Variants in NPAS3 observed in about 807,000 individuals in gnomAD.
NPAS3 encodes neuronal PAS domain-containing protein 3.
NPAS3 carries 14 observed loss-of-function variants against 73.1 expected under a neutral mutation model. The observed-to-expected ratio is 0.19, with a 90% confidence interval of 0.13 to 0.30. NPAS3 has a LOEUF of 0.30. Ranked by LOEUF, NPAS3 falls within the 10% of genes least tolerant of loss-of-function variation. The pLI is 1.00. For missense variants in NPAS3, 1,096 were observed against 1,250.0 expected (o/e 0.88, Z 1.86); for synonymous variants, 620 against 541.5 (o/e 1.14, Z -2.01).
At chr14:33,639,761 A>G (rs961348126) in intron 5 of NPAS3, among the ~76,000 whole-genome samples, 4 of 152,236 alleles carry the variant, frequency 2.6e-5, no homozygotes, top group Non-Finnish European at 5.9e-5. Flanking sequence ...AACCAAAAAC[A>G]ACTAGAAAGT....
At chr14:33,436,914 T>G (rs1197411914) in intron 4 of NPAS3, among the ~76,000 whole-genome samples, 1 of 152,224 alleles carries the variant, frequency 6.6e-6, no homozygotes, top group African/African-American at 2.4e-5. Context: ...CTAGCTGTTG[T>G]GCCTTAATTT....
At chr14:33,256,957 G>A (rs2048800197) in intron 3 of NPAS3, among the ~76,000 whole-genome samples, 1 of 152,146 alleles carries the variant, frequency 6.6e-6, no homozygotes, top group Non-Finnish European at 1.5e-5. Flanking sequence ...TGACAAAGAG[G>A]TCTGGAAGCA....
In NPAS3 at chr14:33,763,593, C is replaced by T. The variant is rs149318791; in HGVS notation, c.853-10744C>T. On this transcript the variant is annotated intron_variant, in intron 7 of 11. Coordinates refer to ENST00000356141, the Ensembl canonical transcript of NPAS3. ...CACTTTCCCAATGAAAAAATAGATG[C>T]TGAGAAAGGAGGTCCTTGCCATCAA... Among the ~76,000 whole-genome samples the T allele has an allele frequency of 5.2e-4, 79 of 152,262 alleles. 1 individual carries two copies. The East Asian group carries it at 0.014, about 28-fold the overall frequency.
At chr14:33,416,430 G>A (rs2048151256) in intron 4 of NPAS3, among the ~76,000 whole-genome samples, 1 of 151,952 alleles carries the variant, frequency 6.6e-6, no homozygotes, top group African/African-American at 2.4e-5. Context: ...TTTCTGGTAA[G>A]GGGTTTCTTT....
intron 6 of NPAS3, among the ~76,000 whole-genome samples, chr14:33,711,780 G>A (rs1255227205): frequency 6.6e-6 from 1 of 151,996 alleles, no homozygotes; most frequent in South Asian, 2.1e-4. Flanking sequence ...TTCCTACCAG[G>A]GTCACTCGCA....
At chr14:33,584,225 C>T (rs915007602) in intron 5 of NPAS3, among the ~76,000 whole-genome samples, 10 of 152,004 alleles carry the variant, frequency 6.6e-5, no homozygotes, top group Non-Finnish European at 1.5e-4. Flanking sequence ...GATGTTTGTT[C>T]GTTTTGATAT....
chr14:33,629,054 AC>A (rs1365192874), intron 5 of NPAS3, among the ~76,000 whole-genome samples: 1 of 151,696 alleles, frequency 6.6e-6, no homozygotes, highest in Non-Finnish European at 1.5e-5. Flanking sequence ...ACACGGTGAA[AC>A]CCCGTCTCTA....
At chr14:33,065,106 A>T (rs1458233835) in intron 2 of NPAS3, among the ~76,000 whole-genome samples, 1 of 152,214 alleles carries the variant, frequency 6.6e-6, no homozygotes, top group Non-Finnish European at 1.5e-5. Flanking sequence ...TCAAGCGAGA[A>T]CTAGTGATAT....
intron 2 of NPAS3, among the ~76,000 whole-genome samples, chr14:33,208,011 T>A (rs1435347309): frequency 1.3e-5 from 2 of 152,192 alleles, no homozygotes; most frequent in Non-Finnish European, 2.9e-5. Context: ...ATTAGCTGAT[T>A]TGGTAAATAG....
intron 2 of NPAS3, among the ~76,000 whole-genome samples, chr14:33,212,848 A>C (rs1180770458): frequency 6.6e-6 from 1 of 152,234 alleles, no homozygotes; most frequent in African/African-American, 2.4e-5. Flanking sequence ...TGAATAAAGG[A>C]AAATTACCTA....
chr14:33,605,852 TA>T (rs200170586), intron 5 of NPAS3, among the ~76,000 whole-genome samples: 35,353 of 151,784 alleles, frequency 0.23, 5,493 homozygotes, highest in African/African-American at 0.44. Flanking sequence ...GACTTTTTTA[TA>T]CAAAATGACA....
intron 7 of NPAS3, among the ~76,000 whole-genome samples, chr14:33,748,906 AAAGGGTCATTCAGAGTCACCAAG>A (rs2061880474): frequency 6.6e-6 from 1 of 152,190 alleles, no homozygotes; most frequent in Admixed American, 6.5e-5. Context: ...AGAAGTTCCC[AAAGGGTCATTCAGAGTCACCAAG>A]AACTGTCATA....
In NPAS3 at chr14:33,800,215, G is replaced by A. The variant is rs764727989; in HGVS notation, c.1908G>A (p.Leu636=). Residue 636 remains leucine (L), a synonymous_variant, in exon 12 of 12, where the codon CTG becomes CTA. Coordinates refer to ENST00000356141, the Ensembl canonical transcript of NPAS3. The surrounding 1 kb of genome is among the most constrained non-coding windows in gnomAD (Gnocchi z 6.5). ...CGGGCCTGGTGGAGCCCCCGCGGCT[G>A]CTGTCCTCCCCCAACAGTGCCTCGG... The A allele has an allele frequency of 1.2e-6, 2 of 1,612,386 alleles. No individual in the cohort carries two copies. Among genetic ancestry groups the A allele is most frequent in the Non-Finnish European group, 1.7e-6 (2 of 1,179,568 alleles).
intron 4 of NPAS3, among the ~76,000 whole-genome samples, chr14:33,466,040 G>C (rs958576908): frequency 6.6e-6 from 1 of 152,176 alleles, no homozygotes; most frequent in Admixed American, 6.5e-5. Context: ...AGGCAGGCTG[G>C]AGCGTGAGCA....
intron 3 of NPAS3, among the ~76,000 whole-genome samples, chr14:33,290,603 A>T (rs1461530909): frequency 1.3e-5 from 2 of 152,236 alleles, no homozygotes; most frequent in Non-Finnish European, 2.9e-5. Flanking sequence ...TCAATTGTAT[A>T]ATCAACTGGT....
intron 4 of NPAS3, among the ~76,000 whole-genome samples, chr14:33,464,580 A>T (rs2050423156): frequency 6.6e-6 from 1 of 152,156 alleles, no homozygotes; most frequent in Admixed American, 6.5e-5. Flanking sequence ...TGACCCTCTG[A>T]TTCCTGGGAT....
chr14:33,518,187 C>T (rs1009894103), intron 4 of NPAS3, among the ~76,000 whole-genome samples: 2 of 151,908 alleles, frequency 1.3e-5, no homozygotes, highest in Non-Finnish European at 2.9e-5. Context: ...GCAGGTAGCT[C>T]AGGCAGCGGG....
chr14:33,506,861 T>C (rs1302646730), intron 4 of NPAS3, among the ~76,000 whole-genome samples: 1 of 152,068 alleles, frequency 6.6e-6, no homozygotes, highest in Non-Finnish European at 1.5e-5. Flanking sequence ...TTTATTTTTC[T>C]CCGTACTGCT....
intron 1 of NPAS3, among the ~76,000 whole-genome samples, chr14:32,946,236 C>G (rs1304035246): frequency 2.0e-5 from 3 of 152,024 alleles, no homozygotes; most frequent in Non-Finnish European, 4.4e-5. Flanking sequence ...CTTCTGAGAG[C>G]TTTACATGCA....
Sources: gnomAD v4.1 joint callset for allele counts (sites outside exome capture counted in the v4.1 genomes callset) on GRCh38, gnomAD v4.1.1 for gene constraint, Gnocchi (gnomAD v3.1) non-coding constraint, MANE v1.5 for transcripts, NCBI Gene and HGNC (gene_info 2026-07-23, HGNC 2026-07-21) for gene names.